CHODL: variants seen among roughly 807,000 people sequenced by gnomAD.
CHODL encodes the protein transmembrane protein MT75.
Under a neutral mutation model 34.5 loss-of-function variants are expected in CHODL, and 29 were observed. That is an observed-to-expected ratio of 0.84 (90% CI 0.63 to 1.15). The LOEUF is 1.15. CHODL is among the 50% of genes most tolerant of loss of function. The probability of loss-of-function intolerance (pLI) is 0.00; values close to 1 mark genes in which losing one functional copy is unlikely to be tolerated. For synonymous variants in CHODL, 125 were observed against 116.1 expected (o/e 1.08, Z -0.49); for missense variants, 332 against 332.5 (o/e 1.00, Z 0.01).
At chr21:18,208,033 T>G (rs1226429085) in intron 2 of CHODL, among the ~76,000 whole-genome samples, 1 of 152,154 alleles carries the variant, frequency 6.6e-6, no homozygotes, top group Non-Finnish European at 1.5e-5. Flanking sequence ...TTATTATCCT[T>G]TTGAATAAAC....
chr21:18,025,848 G>C (rs1252956648), intron 1 of CHODL, among the ~76,000 whole-genome samples: 1 of 152,078 alleles, frequency 6.6e-6, no homozygotes, highest in Non-Finnish European at 1.5e-5. Context: ...GTGTGTCTGT[G>C]TCCAAATTTC....
At chr21:17,990,945 A>C (rs181070958) in intron 1 of CHODL, among the ~76,000 whole-genome samples, 1 of 152,208 alleles carries the variant, frequency 6.6e-6, no homozygotes, top group East Asian at 1.9e-4. Context: ...GGACCTAATA[A>C]ATAACCTCTC....
chr21:18,025,860 T>C (rs1306901127), intron 1 of CHODL, among the ~76,000 whole-genome samples: 1 of 152,180 alleles, frequency 6.6e-6, no homozygotes, highest in Non-Finnish European at 1.5e-5. Flanking sequence ...CCAAATTTCC[T>C]GTTCTTATAA....
intron 1 of CHODL, among the ~76,000 whole-genome samples, chr21:17,945,581 G>C (rs2063400518): frequency 6.6e-6 from 1 of 152,092 alleles, no homozygotes; most frequent in Admixed American, 6.5e-5. Context: ...GAAAAAGAAT[G>C]ACAAAAGTCT....
At chr21:18,098,861 T>C (rs1313027412) in intron 2 of CHODL, among the ~76,000 whole-genome samples, 5 of 152,074 alleles carry the variant, frequency 3.3e-5, no homozygotes, top group Non-Finnish European at 7.4e-5. Flanking sequence ...AAGGAACACG[T>C]GGTACATACA....
At chr21:18,035,879 A>T (rs2064303352) in intron 2 of CHODL, among the ~76,000 whole-genome samples, 1 of 151,922 alleles carries the variant, frequency 6.6e-6, no homozygotes, top group South Asian at 2.1e-4. Flanking sequence ...TAATGTCCTT[A>T]TGTACAAATC....
chr21:18,095,292 AAATAT>A (rs1428746772), intron 2 of CHODL, among the ~76,000 whole-genome samples: 1 of 152,178 alleles, frequency 6.6e-6, no homozygotes, highest in Non-Finnish European at 1.5e-5. Context: ...GAGAAGATCC[AAATAT>A]ATAAAATCAG....
intron 2 of CHODL, among the ~76,000 whole-genome samples, chr21:18,122,458 A>G (rs903397269): frequency 6.6e-6 from 1 of 152,196 alleles, no homozygotes; most frequent in Non-Finnish European, 1.5e-5. Context: ...GGAAGAAATT[A>G]TCTGTGTGCT....
At chr21:18,202,667 C>T (rs2073667874) in intron 2 of CHODL, among the ~76,000 whole-genome samples, 1 of 143,884 alleles carries the variant, frequency 7.0e-6, no homozygotes, top group Admixed American at 6.9e-5. Context: ...TTACAGCAGC[C>T]CAAACAGACT....
chr21:18,016,092 C>T lies in CHODL; in HGVS notation c.-144-11780C>T, dbSNP rs567660998. On this transcript the variant is annotated intron_variant, in intron 1 of 6. Transcript: ENST00000400127. ...GAAATTTGCATAAGTAAAGAACAGC[C>T]GAATATTATTGGCCAAGACAATGGG... 3.7e-4 allele frequency among the ~76,000 whole-genome samples: 57 copies of T among 152,252 alleles called. 1 individual carries two copies. In the South Asian group the frequency reaches 8.1e-3, roughly 22 times the overall value.
At chr21:18,203,029 A>G (rs1568935541) in intron 2 of CHODL, among the ~76,000 whole-genome samples, 4 of 152,252 alleles carry the variant, frequency 2.6e-5, no homozygotes, top group Non-Finnish European at 5.9e-5. Context: ...GATGGTAAAG[A>G]ATGATCCAAT....
chr21:18,079,716 T>C (rs1197744845), intron 2 of CHODL, among the ~76,000 whole-genome samples: 1 of 146,946 alleles, frequency 6.8e-6, no homozygotes, highest in Non-Finnish European at 1.5e-5. Context: ...TGACAAACCA[T>C]ACAAGGGCAG....
chr21:18,068,353 C>T lies in CHODL; in HGVS notation c.-45+40382C>T, dbSNP rs146586587. Among the ~76,000 whole-genome samples the T allele has an allele frequency of 6.1e-3, 932 of 152,150 alleles. 10 individuals are homozygous for T. Among genetic ancestry groups the T allele is most frequent in the African/African-American group, 0.021 (856 of 41,532 alleles). On this transcript the variant is annotated intron_variant, in intron 2 of 6. Transcript: ENST00000400127. ...CTGGGTTTACAGGCACCCGCCACTACGCCCTGCTAATTTTTGTATTTTTAG... is the reference window on the plus strand; with the variant it reads ...CTGGGTTTACAGGCACCCGCCACTATGCCCTGCTAATTTTTGTATTTTTAG...
In CHODL at chr21:18,054,965, G is replaced by A. The variant is rs558012411; in HGVS notation, c.-45+26994G>A. On this transcript the variant is annotated intron_variant, in intron 2 of 6. Coordinates refer to the CHODL transcript ENST00000400127. ...GCTGTCACCATGACCATACTCCCAAGTAGGTGAGACTGGTCGTCCATTGAT... is the reference window on the plus strand; with the variant it reads ...GCTGTCACCATGACCATACTCCCAAATAGGTGAGACTGGTCGTCCATTGAT... 1.2e-4 allele frequency among the ~76,000 whole-genome samples: 18 copies of A among 152,118 alleles called. No homozygotes were observed. The South Asian group carries it at 2.1e-3, about 18-fold the overall frequency.
At chr21:17,996,190 C>T (rs1442218607) in intron 1 of CHODL, among the ~76,000 whole-genome samples, 2 of 151,904 alleles carry the variant, frequency 1.3e-5, no homozygotes, top group African/African-American at 4.8e-5. Flanking sequence ...CAAGACAGAA[C>T]ATTATTCTTT....
At chr21:18,150,633 A>T (rs1460741023) in intron 2 of CHODL, among the ~76,000 whole-genome samples, 1 of 152,026 alleles carries the variant, frequency 6.6e-6, no homozygotes, top group Non-Finnish European at 1.5e-5. Flanking sequence ...CATTCAGGGG[A>T]ACTCCACCTG....
chr21:18,124,153 C>T (rs570007491), intron 2 of CHODL, among the ~76,000 whole-genome samples: 22 of 152,224 alleles, frequency 1.4e-4, no homozygotes, highest in Non-Finnish European at 1.5e-4. Context: ...AATGACCTTG[C>T]GTGGCATGTG....
chr21:17,999,876 G>A (rs1203912715), intron 1 of CHODL, among the ~76,000 whole-genome samples: 1 of 152,160 alleles, frequency 6.6e-6, no homozygotes, highest in Non-Finnish European at 1.5e-5. Flanking sequence ...TCAGTCTCCA[G>A]CTTGGTCGTG....
chr21:18,143,097 G>A lies in CHODL; in HGVS notation c.-44-113412G>A, dbSNP rs540137595. Among the ~76,000 whole-genome samples the A allele has an allele frequency of 2.6e-5, 4 of 152,142 alleles. No individual in the cohort carries two copies. In the South Asian group the frequency reaches 8.3e-4, roughly 32 times the overall value. On this transcript the variant is annotated intron_variant, in intron 2 of 6. Coordinates refer to the CHODL transcript ENST00000400127. ...TATTTGTTTTCTCTTTCAGTGACTG[G>A]AACTATTGTTTTCCAGTAAATCCTA...
Sources: gnomAD v4.1 joint callset for allele counts (sites outside exome capture counted in the v4.1 genomes callset) on GRCh38, gnomAD v4.1.1 for gene constraint, MANE v1.5 for transcripts, NCBI Gene and HGNC (gene_info 2026-07-23, HGNC 2026-07-21) for gene names.